The following DHDDS variants were observed in gnomAD, a reference collection of about 807,000 sequenced individuals.
DHDDS encodes dehydrodolichyl diphosphate synthase complex subunit DHDDS.
Under a neutral mutation model 46.2 loss-of-function variants are expected in DHDDS, and 16 were observed. The observed-to-expected ratio is 0.35, with a 90% confidence interval of 0.23 to 0.53. The LOEUF is 0.53. Among genes scored for constraint, DHDDS ranks in the 20% least tolerant of loss-of-function variants. The pLI is 0.94. For synonymous variants in DHDDS, 151 were observed against 163.1 expected (o/e 0.93, Z 0.56); for missense variants, 340 against 423.7 (o/e 0.80, Z 1.73).
intron 6 of DHDDS, among the ~76,000 whole-genome samples, chr1:26,456,336 C>T (rs1474258069): frequency 1.3e-5 from 2 of 152,062 alleles, no homozygotes; most frequent in Non-Finnish European, 2.9e-5. Context: ...CACACCACTG[C>T]ACTCCAGTCT....
chr1:26,469,312 T>A lies in DHDDS; in HGVS notation c.*181T>A. ...TACCTTTGGGCTGCCTGGGACAGGC[T>A]CCTGAGGAGGATTGAGGGTGAAAGT... On this transcript the variant is annotated 3_prime_UTR_variant, in exon 9 of 9. Transcript: ENST00000236342. 2.6e-6 allele frequency: 3 copies of A among 1,137,204 alleles called. No individual in the cohort carries two copies. The highest frequency in any genetic ancestry group is 3.8e-6 in the Non-Finnish European group (3 of 795,298). The allele number at this position is 1,137,204 out of a possible 1,614,324, so 70.4% of individuals were successfully genotyped here. A position where few individuals can be genotyped will look rare whatever the true frequency, so the allele number is the denominator to read the frequency against.
intron 2 of DHDDS, among the ~76,000 whole-genome samples, chr1:26,435,430 CTTTTTTTTTTTTTTT>C (rs35735570): frequency 4.8e-5 from 3 of 62,536 alleles, no homozygotes; most frequent in South Asian, 1.5e-3. Context: ...GAATTAGTGC[CTTTTTTTTTTTTTTT>C]TTTTTTTTTT....
At chr1:26,439,590 A>AT (rs1192695491) in intron 3 of DHDDS, among the ~76,000 whole-genome samples, 20 of 152,024 alleles carry the variant, frequency 1.3e-4, no homozygotes. Flanking sequence ...AAAAAAAAAA[A>AT]GTACTCTTTT....
chr1:26,460,795 T>C (rs1466168039), intron 8 of DHDDS, among the ~76,000 whole-genome samples: 1 of 152,214 alleles, frequency 6.6e-6, no homozygotes, highest in Non-Finnish European at 1.5e-5. Flanking sequence ...GCAGTTTTGG[T>C]GTCCTCATTT....
intron 3 of DHDDS, 24 bp downstream of exon 3, chr1:26,438,308 A>C (rs1367365912): frequency 6.3e-7 from 1 of 1,599,068 alleles, no homozygotes; most frequent in African/African-American, 1.3e-5. Context: ...GCAGAGCCCA[A>C]AGTGAACAGT....
chr1:26,468,811 G>GCCCCCCCCCAACACC, intron 8 of DHDDS, 84 bp from the exon 9 acceptor site: 1 of 637,986 alleles, frequency 1.6e-6, no homozygotes. Context: ...CCCACCCTGT[G>GCCCCCCCCCAACACC]CCCCACCCCC....
At chr1:26,452,207 G>A (rs958014782) in intron 6 of DHDDS, among the ~76,000 whole-genome samples, 6 of 151,420 alleles carry the variant, frequency 4.0e-5, no homozygotes, top group South Asian at 2.1e-4. Flanking sequence ...ACCACATCTG[G>A]CTAATTTTTT....
chr1:26,432,733 C>T (rs896676715), intron 1 of DHDDS, 158 bp from the exon 2 acceptor site: 1 of 591,668 alleles, frequency 1.7e-6, no homozygotes, highest in South Asian at 2.0e-5. Context: ...GGTCACATTG[C>T]GTTATAAAAC....
intron 2 of DHDDS, among the ~76,000 whole-genome samples, chr1:26,434,392 T>A (rs1320151706): frequency 6.6e-6 from 1 of 152,144 alleles, no homozygotes; most frequent in African/African-American, 2.4e-5. Flanking sequence ...AAATGCCAAG[T>A]GATCTCAAGC....
chr1:26,453,597 T>G (rs111585045), intron 6 of DHDDS, among the ~76,000 whole-genome samples: 120 of 152,016 alleles, frequency 7.9e-4, no homozygotes, highest in Middle Eastern at 3.4e-3. Flanking sequence ...TCTCTAAAAG[T>G]ACAAAAATTA....
At chr1:26,435,199 A>T (rs746150097) in intron 2 of DHDDS, among the ~76,000 whole-genome samples, 39 of 145,740 alleles carry the variant, frequency 2.7e-4, no homozygotes, top group Non-Finnish European at 4.7e-4. Context: ...TTTAGTAGAG[A>T]CAGGGTTTCA....
At chr1:26,436,339 G>C (rs1159298288) in intron 2 of DHDDS, among the ~76,000 whole-genome samples, 2 of 152,098 alleles carry the variant, frequency 1.3e-5, no homozygotes, top group Non-Finnish European at 2.9e-5. Flanking sequence ...GGTGGAGGTT[G>C]CAAATGACCT....
intron 8 of DHDDS, among the ~76,000 whole-genome samples, chr1:26,466,568 T>C (rs1027278473): frequency 2.6e-5 from 4 of 152,232 alleles, no homozygotes; most frequent in Non-Finnish European, 5.9e-5. Flanking sequence ...ATCTGAACAA[T>C]GAACTGCTAA....
chr1:26,442,676 A>C, intron 3 of DHDDS, 55 bp from the exon 4 acceptor site: 1 of 1,609,898 alleles, frequency 6.2e-7, no homozygotes, highest in Non-Finnish European at 8.5e-7. Context: ...AGTATCTCTT[A>C]TTTCCCCTTC....
At chr1:26,447,684 T>C in intron 6 of DHDDS, 24 bp downstream of exon 6, 1 of 1,602,534 alleles carries the variant, frequency 6.2e-7, no homozygotes, top group African/African-American at 1.3e-5. Context: ...TTTTGCATGG[T>C]AATTGTTAAG....
intron 8 of DHDDS, among the ~76,000 whole-genome samples, chr1:26,465,364 T>A (rs893100922): frequency 2.0e-5 from 3 of 152,194 alleles, no homozygotes; most frequent in African/African-American, 7.2e-5. Context: ...TATGCATATA[T>A]GTATGCATGT....
At chr1:26,450,016 G>T (rs967476915) in intron 6 of DHDDS, among the ~76,000 whole-genome samples, 2 of 152,210 alleles carry the variant, frequency 1.3e-5, no homozygotes, top group African/African-American at 4.8e-5. Flanking sequence ...GATTGGTATA[G>T]TCAGGTCAAC....
chr1:26,443,118 TACAGCCA>T lies in DHDDS; in HGVS notation c.323+246_323+252del, dbSNP rs1197334398. ...GGGTGTCACATGATTTAAGAACAAGTACAGCCAGCCTCAAGCAAAACTGAAACCAGGA... is the reference window on the plus strand; with the variant it reads ...GGGTGTCACATGATTTAAGAACAAGTGCCTCAAGCAAAACTGAAACCAGGA... On this transcript the variant is annotated intron_variant, in intron 4 of 8. Transcript: ENST00000236342. 8.8e-5 allele frequency: 51 copies of T among 577,040 alleles called. No homozygotes were observed. The South Asian group carries it at 9.9e-4, about 11-fold the overall frequency. 35.7% of individuals were successfully genotyped at this position (577,040 alleles called of 1,614,324 possible).
At chr1:26,435,491 G>A (rs1163524184) in intron 2 of DHDDS, among the ~76,000 whole-genome samples, 2 of 136,986 alleles carry the variant, frequency 1.5e-5, no homozygotes, top group African/African-American at 5.5e-5. Context: ...AGGCTGGAGT[G>A]CAGTGGTGCT....
Sources: allele counts gnomAD v4.1 joint callset (sites outside exome capture counted in the v4.1 genomes callset), GRCh38; gene constraint gnomAD v4.1.1; transcripts MANE v1.5; gene names NCBI Gene and HGNC (gene_info 2026-07-23, HGNC 2026-07-21).